Variants in MRPS9 observed in about 807,000 individuals in gnomAD.
MRPS9 encodes mitochondrial ribosomal protein S9, also known as small ribosomal subunit protein uS9m.
A neutral mutation model predicts 59.9 loss-of-function variants in MRPS9; 45 were observed. That is an observed-to-expected ratio of 0.75 (90% CI 0.59 to 0.96). MRPS9 has a LOEUF of 0.96. Ranked by LOEUF, MRPS9 falls within the 40% of genes least tolerant of loss-of-function variation. The pLI, the probability that MRPS9 is intolerant of heterozygous loss-of-function variation, is 0.00. For synonymous variants in MRPS9, 171 were observed against 166.8 expected (o/e 1.03, Z -0.19); for missense variants, 473 against 481.1 (o/e 0.98, Z 0.16).
chr2:105,066,515 A>G (rs1041859906), intron 2 of MRPS9, among the ~76,000 whole-genome samples: 18 of 152,178 alleles, frequency 1.2e-4, no homozygotes, highest in Admixed American at 6.5e-4. Flanking sequence ...CTTAGTCTTC[A>G]TGACAGATCC....
At chr2:105,074,567 C>T (rs988069031) in intron 4 of MRPS9, among the ~76,000 whole-genome samples, 2 of 152,166 alleles carry the variant, frequency 1.3e-5, no homozygotes, top group African/African-American at 4.8e-5. Flanking sequence ...TTACACTCTT[C>T]ACAACAGGTT....
intron 2 of MRPS9, among the ~76,000 whole-genome samples, chr2:105,059,360 G>C (rs1463055643): frequency 1.3e-5 from 2 of 152,140 alleles, no homozygotes; most frequent in African/African-American, 4.8e-5. Context: ...TAGTTGAGCT[G>C]TATGGACGTG....
intron 10 of MRPS9, 123 bp downstream of exon 10, chr2:105,097,447 G>T (rs987036498): frequency 4.8e-5 from 43 of 899,836 alleles, no homozygotes; most frequent in Non-Finnish European, 6.1e-5. Context: ...ATTTCACTTC[G>T]CTGTCTTCTT....
intron 2 of MRPS9, among the ~76,000 whole-genome samples, chr2:105,062,901 A>G (rs1340771917): frequency 6.6e-6 from 1 of 152,192 alleles, no homozygotes; most frequent in East Asian, 1.9e-4. Context: ...ATTTCTTCCC[A>G]AGTAAGAATT....
chr2:105,052,538 A>G (rs1679731336), intron 2 of MRPS9, among the ~76,000 whole-genome samples: 2 of 151,732 alleles, frequency 1.3e-5, no homozygotes, highest in African/African-American at 4.8e-5. Context: ...GTTTGCTAGC[A>G]TTTTCTTGAG....
chr2:105,066,137 TC>T (rs1679996130), intron 2 of MRPS9, among the ~76,000 whole-genome samples: 1 of 152,228 alleles, frequency 6.6e-6, no homozygotes, highest in South Asian at 2.1e-4. Flanking sequence ...TTATTTTATT[TC>T]CTATTCCCTC....
chr2:105,074,778 T>C (rs1209749982), intron 4 of MRPS9, among the ~76,000 whole-genome samples: 4 of 152,234 alleles, frequency 2.6e-5, no homozygotes, highest in Non-Finnish European at 1.5e-5. Flanking sequence ...AATAATATAA[T>C]TGCCACAGTT....
intron 4 of MRPS9, among the ~76,000 whole-genome samples, chr2:105,073,560 C>A (rs1276310378): frequency 6.6e-6 from 1 of 152,070 alleles, no homozygotes; most frequent in South Asian, 2.1e-4. Flanking sequence ...GATTTTGACA[C>A]TTATAGTGTA....
chr2:105,088,432 GA>G (rs1211148751), intron 5 of MRPS9, among the ~76,000 whole-genome samples: 4 of 152,014 alleles, frequency 2.6e-5, no homozygotes, highest in African/African-American at 9.7e-5. Flanking sequence ...ATTTTGTTAG[GA>G]AGTAAATTAA....
rs774676822 is a variant in MRPS9 at position 105,071,344 on chromosome 2, T to C, written c.347T>C (p.Leu116Ser). 1.2e-6 allele frequency: 2 copies of C among 1,610,224 alleles called. No individual in the cohort carries two copies. Among genetic ancestry groups the C allele is most frequent in the African/African-American group, 1.3e-5 (1 of 74,874 alleles). The change falls in exon 3 of 11, where the codon TTG (leucine) becomes TCG (serine). Residue 116 changes from leucine to serine, a missense_variant. Leu to Ser is a moderately radical substitution (Grantham distance 145, BLOSUM62 -2). Coordinates refer to ENST00000258455, the MANE Select transcript of MRPS9 (RefSeq NM_182640.3). ...RAIAYLFPSGLFEKRARPVMK... is the reference protein window; with the variant it reads ...RAIAYLFPSGSFEKRARPVMK... ...ATTGCTTACCTTTTCCCAAGTGGTT[T>C]GTTTGAGAAACGAGCCAGGCCAGTA...
intron 2 of MRPS9, among the ~76,000 whole-genome samples, chr2:105,066,768 C>G (rs1270133556): frequency 6.6e-6 from 1 of 152,066 alleles, no homozygotes; most frequent in Non-Finnish European, 1.5e-5. Context: ...AAGATGCCAA[C>G]CAGCCTTGGG....
Position 105,099,776 on chromosome 2 carries a change from G to A in MRPS9, c.*15G>A, listed in dbSNP as rs759170706. 1.2e-5 allele frequency: 19 copies of A among 1,613,082 alleles called. No individual in the cohort carries two copies. The highest frequency in any genetic ancestry group is 1.5e-5 in the Non-Finnish European group (18 of 1,179,220). ...AGAAACGCTAAGGGTTTGCTCCCAG[G>A]AAAGGAGAGGAAGAGCTATATATAT... On this transcript the variant is annotated 3_prime_UTR_variant, in exon 11 of 11. Coordinates refer to ENST00000258455, the MANE Select transcript of MRPS9 (RefSeq NM_182640.3).
chr2:105,061,029 G>C (rs746335744), intron 2 of MRPS9, among the ~76,000 whole-genome samples: 14 of 139,822 alleles, frequency 1.0e-4, no homozygotes, highest in Non-Finnish European at 2.1e-4. Flanking sequence ...AGAATGGCGT[G>C]AACCCGGGAG....
intron 4 of MRPS9, among the ~76,000 whole-genome samples, chr2:105,075,071 G>A (rs1044395363): frequency 5.3e-5 from 8 of 152,142 alleles, no homozygotes; most frequent in Admixed American, 2.0e-4. Context: ...GTGACAGATC[G>A]TCAGGCCTTA....
chr2:105,086,368 A>C (rs1680445549), intron 5 of MRPS9, among the ~76,000 whole-genome samples: 1 of 152,096 alleles, frequency 6.6e-6, no homozygotes, highest in Non-Finnish European at 1.5e-5. Flanking sequence ...TGATAGTTTT[A>C]CTTGTACCAT....
chr2:105,092,566 G>A lies in MRPS9; in HGVS notation c.817G>A (p.Glu273Lys), dbSNP rs202009661. 9.5e-5 allele frequency: 148 copies of A among 1,558,712 alleles called. No individual in the cohort carries two copies. In the East Asian group the frequency reaches 1.8e-3, roughly 19 times the overall value. The stretch of plus-strand genomic sequence containing the variant: ...GCAAGGAATGGCCTTTAGCAAAAGT[G>A]AAGGTAATGACATTCTGTGGAGAGA... ...DEQGMAFSKSEGKRKTAKAEA... is the reference protein window; with the variant it reads ...DEQGMAFSKSKGKRKTAKAEA... Residue 273 changes from glutamate to lysine, a missense_variant, in exon 8 of 11, where the codon GAA becomes AAA. Coordinates refer to ENST00000258455, the MANE Select transcript of MRPS9 (RefSeq NM_182640.3).
intron 1 of MRPS9, among the ~76,000 whole-genome samples, chr2:105,046,202 C>T (rs1679589943): frequency 2.0e-5 from 3 of 151,992 alleles, no homozygotes; most frequent in African/African-American, 4.8e-5. Flanking sequence ...TCTGTCTATA[C>T]TTTACAACCA....
intron 2 of MRPS9, among the ~76,000 whole-genome samples, chr2:105,070,167 G>A (rs534940177): frequency 2.0e-5 from 3 of 152,142 alleles, no homozygotes; most frequent in Non-Finnish European, 4.4e-5. Flanking sequence ...CAGCCTGCGT[G>A]ACAAAGCATG....
chr2:105,095,002 A>AT (rs1455217673), intron 9 of MRPS9, among the ~76,000 whole-genome samples: 11 of 152,204 alleles, frequency 7.2e-5, no homozygotes, highest in African/African-American at 2.2e-4. Context: ...TATCAGAGAT[A>AT]TTTAAGATAT....
Sources: gnomAD v4.1 joint callset for allele counts (sites outside exome capture counted in the v4.1 genomes callset) on GRCh38, gnomAD v4.1.1 for gene constraint, MANE v1.5 for transcripts, NCBI Gene and HGNC (gene_info 2026-07-23, HGNC 2026-07-21) for gene names.